The following EIF3H variants were observed in gnomAD, a reference collection of about 807,000 sequenced individuals.
EIF3H encodes the protein eIF-3-gamma.
Under a neutral mutation model 44.2 loss-of-function variants are expected in EIF3H, and 26 were observed. The ratio of observed to expected loss-of-function variants is 0.59; its 90% CI spans 0.43 to 0.82. The LOEUF (loss-of-function observed/expected upper bound fraction) is 0.82, where lower values mean the gene tolerates loss of function less well. EIF3H is among the 40% of genes least tolerant of loss of function. The probability of loss-of-function intolerance (pLI) is 0.00; values close to 1 mark genes in which losing one functional copy is unlikely to be tolerated. For synonymous variants in EIF3H, 166 were observed against 151.9 expected (o/e 1.09, Z -0.68); for missense variants, 359 against 432.8 (o/e 0.83, Z 1.51).
chr8:116,765,738 A>T (rs1815565044), exon 1 of EIF3H: 1 of 152,146 alleles, frequency 6.6e-6, no homozygotes, highest in Non-Finnish European at 1.5e-5. Flanking sequence ...AGGAAGTTGA[A>T]CCCAGCTTTC....
chr8:116,667,877 CTAGAAAATAA>C (rs1259098349), intron 2 of EIF3H, among the ~76,000 whole-genome samples: 1 of 152,116 alleles, frequency 6.6e-6, no homozygotes, highest in Non-Finnish European at 1.5e-5. Flanking sequence ...ATTTCCTCAC[CTAGAAAATAA>C]TAGTTTCAAC....
upstream of EIF3H, among the ~76,000 whole-genome samples, chr8:116,759,709 ATG>A (rs953288501): frequency 6.6e-6 from 1 of 151,756 alleles, no homozygotes; most frequent in Non-Finnish European, 1.5e-5. Context: ...GTGTTTGTGT[ATG>A]TGTGTGTGTG....
chr8:116,704,616 T>C (rs1814436508), intron 2 of EIF3H, among the ~76,000 whole-genome samples: 5 of 152,174 alleles, frequency 3.3e-5, no homozygotes, highest in Admixed American at 3.3e-4. Context: ...AAGAGTAAGG[T>C]TAATCGACAA....
intron 1 of EIF3H, among the ~76,000 whole-genome samples, chr8:116,740,681 T>C (rs1372867094): frequency 6.6e-6 from 1 of 152,070 alleles, no homozygotes; most frequent in East Asian, 1.9e-4. Context: ...AATGTAATGT[T>C]TGAGTAAAAG....
intron 1 of EIF3H, among the ~76,000 whole-genome samples, chr8:116,760,879 C>T (rs1815512984): frequency 6.6e-6 from 1 of 152,036 alleles, no homozygotes; most frequent in Admixed American, 6.6e-5. Flanking sequence ...TTAGAAAATC[C>T]TTTTAAAGCT....
chr8:116,661,029 C>T (rs1813578490), intron 2 of EIF3H, among the ~76,000 whole-genome samples: 1 of 152,074 alleles, frequency 6.6e-6, no homozygotes, highest in South Asian at 2.1e-4. Flanking sequence ...TAAGAGGAAC[C>T]TCACCTCCCC....
At chr8:116,678,060 C>T (rs1371972452) in intron 2 of EIF3H, among the ~76,000 whole-genome samples, 1 of 152,072 alleles carries the variant, frequency 6.6e-6, no homozygotes, top group Admixed American at 6.5e-5. Flanking sequence ...GACGGTACTG[C>T]TGCCATCTCG....
At chr8:116,758,993 C>T (rs1016729035), upstream of EIF3H, among the ~76,000 whole-genome samples, 29 of 152,226 alleles carry the variant, frequency 1.9e-4, no homozygotes, top group Admixed American at 9.8e-4. Flanking sequence ...CTGAAGTATG[C>T]ATAAGAAAGT....
chr8:116,731,789 T>G (rs1814954207), intron 1 of EIF3H, among the ~76,000 whole-genome samples: 1 of 152,206 alleles, frequency 6.6e-6, no homozygotes, highest in African/African-American at 2.4e-5. Flanking sequence ...CTGACTAGAT[T>G]TGTTTACCCT....
intron 2 of EIF3H, among the ~76,000 whole-genome samples, chr8:116,710,104 G>A (rs961345265): frequency 6.6e-6 from 1 of 152,100 alleles, no homozygotes; most frequent in Non-Finnish European, 1.5e-5. Flanking sequence ...TGCCCAGATG[G>A]CAGTCACGGC....
rs1190853352 is a variant in EIF3H at position 116,746,158 on chromosome 8, A to AT, written c.132+9507dup. ...CTTATAGCTACAAATCTTCTACAAT[A>AT]TGACTGATTATCAAACGTAAAGATT... On this transcript the variant is annotated intron_variant, in intron 1 of 7. Transcript: ENST00000521861. Among the ~76,000 whole-genome samples, 5 of 152,190 alleles carry AT rather than the reference A, an allele frequency of 3.3e-5. No homozygotes were observed. The East Asian group carries it at 9.6e-4, about 29-fold the overall frequency.
chr8:116,692,410 A>AT (rs1814194595), intron 2 of EIF3H, among the ~76,000 whole-genome samples: 1 of 152,202 alleles, frequency 6.6e-6, no homozygotes, highest in African/African-American at 2.4e-5. Context: ...CCTTGATTAT[A>AT]TTAAAAAAAA....
chr8:116,755,730 C>T lies in EIF3H; in HGVS notation c.68G>A (p.Gly23Glu). 1 of 1,614,176 alleles carries T rather than the reference C, an allele frequency of 6.2e-7. No individual in the cohort carries two copies. The highest frequency in any genetic ancestry group is 8.5e-7 in the Non-Finnish European group (1 of 1,180,036). Residue 23 changes from glycine to glutamate, a missense_variant, in exon 1 of 8, where the codon GGG becomes GAG. Around this residue, in one of 5 missense-constraint regions of EIF3H, gnomAD observed 59 missense variants for 33.5 expected, o/e 1.76. Coordinates refer to ENST00000521861, the MANE Select transcript of EIF3H (RefSeq NM_003756.3). Reference sequence around the variant, plus strand: ...CGAGCCGCCTTTGCCTTTGCCTTTCCCTGCTGCGCCGGCGGTGGAGCTGGA... The same window carrying T: ...CGAGCCGCCTTTGCCTTTGCCTTTCTCTGCTGCGCCGGCGGTGGAGCTGGA... ...TSSSSTAGAA[G>E]KGKGKGGSGD... is the part of the protein sequence containing the mutation.
intron 1 of EIF3H, among the ~76,000 whole-genome samples, chr8:116,741,616 G>A (rs1201645481): frequency 1.3e-5 from 2 of 152,144 alleles, no homozygotes; most frequent in Non-Finnish European, 2.9e-5. Context: ...ATTCCTACTC[G>A]GCTTTATTAC....
chr8:116,764,894 C>T (rs777975597), intron 1 of EIF3H, among the ~76,000 whole-genome samples: 7 of 152,144 alleles, frequency 4.6e-5, no homozygotes, highest in Admixed American at 1.3e-4. Context: ...AGGGTGCAAA[C>T]TGGCACTGTC....
intron 2 of EIF3H, among the ~76,000 whole-genome samples, chr8:116,709,215 TTC>T (rs756079981): frequency 2.7e-4 from 41 of 152,218 alleles, no homozygotes; most frequent in South Asian, 8.3e-4. Context: ...AACAAAAACT[TTC>T]TGTTATTAAT....
chr8:116,660,232 T>C (rs898352512), intron 2 of EIF3H, among the ~76,000 whole-genome samples: 4 of 152,332 alleles, frequency 2.6e-5, no homozygotes, highest in Admixed American at 1.3e-4. Context: ...CCATGCTGAG[T>C]AAACGTATTT....
At chr8:116,683,711 C>T (rs1814029068) in intron 2 of EIF3H, among the ~76,000 whole-genome samples, 1 of 152,048 alleles carries the variant, frequency 6.6e-6, no homozygotes, top group African/African-American at 2.4e-5. Flanking sequence ...ACAAAAAAGA[C>T]TATATAAGAA....
chr8:116,739,599 G>A (rs1210723117), intron 1 of EIF3H, among the ~76,000 whole-genome samples: 5 of 152,224 alleles, frequency 3.3e-5, no homozygotes, highest in African/African-American at 7.2e-5. Flanking sequence ...GCAGTGAGCC[G>A]AGATGGTGCC....
Sources: allele counts gnomAD v4.1 joint callset (sites outside exome capture counted in the v4.1 genomes callset), GRCh38; gene constraint gnomAD v4.1.1; regional missense constraint gnomAD v4.1.1; transcripts MANE v1.5; gene names NCBI Gene and HGNC (gene_info 2026-07-23, HGNC 2026-07-21).